MALRD1: variants seen among roughly 807,000 people sequenced by gnomAD.
The protein encoded by MALRD1 is MAM and LDL-receptor class A domain-containing protein 1.
In MALRD1, 247 loss-of-function variants were observed where a neutral mutation model predicts 242.1. The ratio of observed to expected loss-of-function variants is 1.02; its 90% CI spans 0.92 to 1.13. The LOEUF (loss-of-function observed/expected upper bound fraction) is 1.13. MALRD1 is among the 50% of genes most tolerant of loss of function. The pLI is 0.00. For synonymous variants in MALRD1, 995 were observed against 866.6 expected (o/e 1.15, Z -2.60); for missense variants, 2,989 against 2,533.1 (o/e 1.18, Z -3.86).
intron 31 of MALRD1, among the ~76,000 whole-genome samples, chr10:19,529,946 A>G (rs1190725727): frequency 6.6e-6 from 1 of 152,144 alleles, no homozygotes; most frequent in African/African-American, 2.4e-5. Flanking sequence ...GTACATGCAT[A>G]GGAAGACAAT....
At chr10:19,322,923 C>T (rs1035499874) in intron 21 of MALRD1, among the ~76,000 whole-genome samples, 5 of 152,094 alleles carry the variant, frequency 3.3e-5, no homozygotes, top group Admixed American at 6.6e-5. Flanking sequence ...CCAAACTGTG[C>T]GGATCACTTC....
rs114278173 is a variant in MALRD1 at position 19,531,233 on chromosome 10, C to G, written c.5360C>G (p.Ser1787Cys). ...QHFLYVNSSG[S>C]KEGSVARITT... is the part of the protein sequence containing the mutation. The stretch of plus-strand genomic sequence containing the variant: ...TTCCTGTACGTCAACTCATCTGGCT[C>G]CAAGGAAGGATCCGTTGCCAGAATT... Residue 1787 changes from serine to cysteine, a missense_variant, in exon 32 of 40, where the codon TCC becomes TGC. Coordinates refer to ENST00000454679, the MANE Select transcript of MALRD1 (RefSeq NM_001142308.3). The G allele has an allele frequency of 1.2e-3, 1,866 of 1,550,346 alleles. 22 individuals carry two copies. The African/African-American group carries it at 0.023, about 19-fold the overall frequency.
Position 19,123,515 on chromosome 10 carries a change from G to A in MALRD1, c.718G>A (p.Ala240Thr), listed in dbSNP as rs1837142633. The A allele has an allele frequency of 1.6e-6, 2 of 1,233,526 alleles. No individual in the cohort carries two copies. Among genetic ancestry groups the A allele is most frequent in the Admixed American group, 4.2e-5 (1 of 23,710 alleles). The allele number at this position is 1,233,526 out of a possible 1,614,324, so 76.4% of individuals were successfully genotyped here. A position where few individuals can be genotyped will look rare whatever the true frequency, so the allele number is the denominator to read the frequency against. ...ANDGILLCQEALNAERELCHP... is the reference protein window; with the variant it reads ...ANDGILLCQETLNAERELCHP... ...AGATGGAATTTTACTGTGTCAAGAA[G>A]CATTGAATGCTGAGCGGGAGCTATG... The change falls in exon 6 of 40, where the codon GCA becomes ACA. Residue 240 changes from alanine to threonine, a missense_variant. Ala to Thr is a moderately conservative substitution (Grantham distance 58). Coordinates refer to ENST00000454679, the MANE Select transcript of MALRD1 (RefSeq NM_001142308.3).
At chr10:19,657,444 T>C (rs138069882) in intron 36 of MALRD1, among the ~76,000 whole-genome samples, 1 of 152,224 alleles carries the variant, frequency 6.6e-6, no homozygotes, top group Non-Finnish European at 1.5e-5. Flanking sequence ...GGGGCATCTG[T>C]ATCTGGGGTC....
At chr10:19,534,950 A>G (rs1346095106) in intron 32 of MALRD1, among the ~76,000 whole-genome samples, 1 of 152,038 alleles carries the variant, frequency 6.6e-6, no homozygotes, top group African/African-American at 2.4e-5. Context: ...CAGTGGCGCG[A>G]TCTTGGCTCG....
intron 38 of MALRD1, among the ~76,000 whole-genome samples, chr10:19,692,887 A>ATATATATATAT (rs1307361084): frequency 1.0e-4 from 4 of 38,574 alleles, no homozygotes; most frequent in African/African-American, 4.1e-4. Context: ...ATATATATAT[A>ATATATATATAT]ATTTCATCCC....
chr10:19,422,514 T>G (rs947724230), intron 28 of MALRD1, among the ~76,000 whole-genome samples: 3 of 152,312 alleles, frequency 2.0e-5, no homozygotes, highest in African/African-American at 7.2e-5. Flanking sequence ...TAATTATTAC[T>G]CTGTATTGTT....
intron 20 of MALRD1, among the ~76,000 whole-genome samples, chr10:19,282,027 A>G (rs933645334): frequency 6.6e-6 from 1 of 151,964 alleles, no homozygotes; most frequent in African/African-American, 2.4e-5. Flanking sequence ...ACAAAATGCT[A>G]AGGGTACAAT....
intron 36 of MALRD1, among the ~76,000 whole-genome samples, chr10:19,683,099 A>C (rs1842440021): frequency 6.6e-6 from 1 of 151,818 alleles, no homozygotes; most frequent in Non-Finnish European, 1.5e-5. Context: ...GTTCAAGACC[A>C]GCCTGGCCAA....
At chr10:19,416,907 G>T (rs1035441199) in intron 28 of MALRD1, among the ~76,000 whole-genome samples, 1 of 152,042 alleles carries the variant, frequency 6.6e-6, no homozygotes, top group Non-Finnish European at 1.5e-5. Flanking sequence ...CTAAAACTCC[G>T]TAGAATCTGC....
intron 29 of MALRD1, among the ~76,000 whole-genome samples, chr10:19,483,694 T>G (rs1204565508): frequency 6.6e-6 from 1 of 152,162 alleles, no homozygotes; most frequent in Non-Finnish European, 1.5e-5. Context: ...ATAAATTTGC[T>G]CAGCCACTGT....
intron 12 of MALRD1, among the ~76,000 whole-genome samples, chr10:19,161,539 G>GAAAAAAAAGAAA (rs1834406622): frequency 3.5e-5 from 2 of 56,688 alleles, no homozygotes; most frequent in East Asian, 9.1e-4. Context: ...TAAAAATAAA[G>GAAAAAAAAGAAA]AAAAAAAAAG....
chr10:19,133,095 C>T lies in MALRD1; in HGVS notation c.1111-761C>T, dbSNP rs150592707. Among the ~76,000 whole-genome samples the T allele has an allele frequency of 6.6e-4, 101 of 152,090 alleles. No homozygotes were observed. The East Asian group carries it at 0.016, about 25-fold the overall frequency. On this transcript the variant is annotated intron_variant, in intron 8 of 39. Coordinates refer to ENST00000454679, the MANE Select transcript of MALRD1 (RefSeq NM_001142308.3). ...CTGGGATTACAGGCACCCACCACCA[C>T]GCCTGGCTAATTTTTGTATTTTTAG...
At chr10:19,186,908 C>A (rs1279989911) in intron 14 of MALRD1, among the ~76,000 whole-genome samples, 1 of 152,084 alleles carries the variant, frequency 6.6e-6, no homozygotes, top group Non-Finnish European at 1.5e-5. Flanking sequence ...CGTAAAGAGC[C>A]TTCCCCACCT....
chr10:19,165,804 T>G lies in MALRD1; in HGVS notation c.1824T>G (p.Pro608=), dbSNP rs1387613309. The change falls in exon 13 of 40, where the codon CCT becomes CCG. Residue 608 remains proline, a synonymous_variant. Coordinates refer to ENST00000454679, the MANE Select transcript of MALRD1 (RefSeq NM_001142308.3). ...LIAEAGESTL[P]FQLILEATVL... is the part of the protein sequence containing the mutation. ...CAGAAGCGGGAGAATCTACTCTACCTTTTCAGGTAAGCACATACGAAATTA... is the reference window on the plus strand; with the variant it reads ...CAGAAGCGGGAGAATCTACTCTACCGTTTCAGGTAAGCACATACGAAATTA... 2 of 1,231,424 alleles carry G rather than the reference T, an allele frequency of 1.6e-6. No individual in the cohort carries two copies. The highest frequency in any genetic ancestry group is 2.0e-6 in the Non-Finnish European group (2 of 987,850). 76.3% of individuals were successfully genotyped at this position (1,231,424 alleles called of 1,614,324 possible). A position where few individuals can be genotyped will look rare whatever the true frequency, so the allele number is the denominator to read the frequency against.
chr10:19,694,635 C>G (rs1292086314), intron 38 of MALRD1, among the ~76,000 whole-genome samples: 2 of 152,178 alleles, frequency 1.3e-5, no homozygotes, highest in South Asian at 2.1e-4. Context: ...GGACTGTAAA[C>G]TAGTTCAACC....
At chr10:19,261,738 A>G (rs2131820157) in intron 19 of MALRD1, among the ~76,000 whole-genome samples, 1 of 142,572 alleles carries the variant, frequency 7.0e-6, no homozygotes, top group African/African-American at 2.5e-5. Context: ...ACTGAGCAGT[A>G]GATTATTTTA....
intron 19 of MALRD1, among the ~76,000 whole-genome samples, chr10:19,279,283 A>G (rs1349937917): frequency 6.6e-6 from 1 of 152,194 alleles, no homozygotes; most frequent in African/African-American, 2.4e-5. Flanking sequence ...ATACATTGAA[A>G]TAGAGATTTC....
At chr10:19,301,450 C>T (rs1841946750) in intron 21 of MALRD1, among the ~76,000 whole-genome samples, 1 of 151,854 alleles carries the variant, frequency 6.6e-6, no homozygotes, top group South Asian at 2.1e-4. Context: ...ATAACAAAGA[C>T]ATGGAATCAA....
Sources: gnomAD v4.1 joint callset for allele counts (sites outside exome capture counted in the v4.1 genomes callset) on GRCh38, gnomAD v4.1.1 for gene constraint, MANE v1.5 for transcripts, NCBI Gene and HGNC (gene_info 2026-07-23, HGNC 2026-07-21) for gene names.